Variants in CELF4 observed in about 807,000 individuals in gnomAD.
The protein encoded by CELF4 is CUGBP Elav-like family member 4.
CELF4 carries 18 observed loss-of-function variants against 59.9 expected under a neutral mutation model. The ratio of observed to expected loss-of-function variants is 0.30; its 90% CI spans 0.21 to 0.45. The LOEUF (loss-of-function observed/expected upper bound fraction) is 0.45. Ranked by LOEUF, CELF4 falls within the 20% of genes least tolerant of loss-of-function variation. CELF4 has a pLI of 1.00. For synonymous variants in CELF4, 261 were observed against 267.1 expected (o/e 0.98, Z 0.22); for missense variants, 456 against 689.0 (o/e 0.66, Z 3.79).
Position 37,270,711 on chromosome 18 carries a change from A to G in CELF4, c.1099+57T>C. 4 of 1,599,414 alleles carry G rather than the reference A, an allele frequency of 2.5e-6. No individual in the cohort carries two copies. In the Admixed American group the frequency reaches 6.7e-5, roughly 27 times the overall value. ...TCTTGTTATAACAGCAAGGGCAGGG[A>G]CAGCATGGATAAAGAATGTGCTGCA... is the stretch of plus-strand genomic sequence containing the variant. On this transcript the variant is annotated intron_variant, in intron 8 of 12. Coordinates refer to ENST00000420428, the MANE Select transcript of CELF4 (RefSeq NM_020180.4).
chr18:37,510,986 T>C (rs373310174), intron 1 of CELF4, among the ~76,000 whole-genome samples: 5 of 152,114 alleles, frequency 3.3e-5, no homozygotes, highest in African/African-American at 7.2e-5. Flanking sequence ...AGGGGCACTA[T>C]TTGTCACCCA....
chr18:37,438,111 C>A (rs992663313), intron 2 of CELF4, among the ~76,000 whole-genome samples: 1 of 152,190 alleles, frequency 6.6e-6, no homozygotes, highest in Non-Finnish European at 1.5e-5. Flanking sequence ...GACTTCCCAG[C>A]CCCCAGAACT....
chr18:37,307,471 T>C (rs962254232), intron 3 of CELF4, among the ~76,000 whole-genome samples: 4 of 152,028 alleles, frequency 2.6e-5, no homozygotes, highest in African/African-American at 9.7e-5. Context: ...TCTATAAATC[T>C]TCCCCCCGTC....
At chr18:37,285,877 C>T (rs947222267) in intron 3 of CELF4, among the ~76,000 whole-genome samples, 33 of 152,186 alleles carry the variant, frequency 2.2e-4, no homozygotes, top group African/African-American at 3.1e-4. Context: ...ACACGATAGA[C>T]GGCCCTGGAG....
In CELF4 at chr18:37,263,742, C is replaced by T. The variant is rs569301879; in HGVS notation, c.1249+932G>A. Among the ~76,000 whole-genome samples the T allele has an allele frequency of 1.4e-4, 21 of 152,178 alleles. No individual in the cohort carries two copies. The South Asian group carries it at 4.4e-3, about 32-fold the overall frequency. On this transcript the variant is annotated intron_variant, in intron 10 of 12. Transcript: ENST00000420428. ...CTGTTCACACCAGGGCCTTGGGACA[C>T]AGCTTTCCAGGATCACCCCCTTCTT...
At chr18:37,493,988 G>C (rs2099921984) in intron 1 of CELF4, among the ~76,000 whole-genome samples, 1 of 152,124 alleles carries the variant, frequency 6.6e-6, no homozygotes, top group African/African-American at 2.4e-5. Flanking sequence ...ACAGAGCTGG[G>C]GTGGTCCAGA....
At chr18:37,262,056 G>A (rs2074901476) in intron 10 of CELF4, among the ~76,000 whole-genome samples, 1 of 152,170 alleles carries the variant, frequency 6.6e-6, no homozygotes, top group Non-Finnish European at 1.5e-5. Context: ...GCTCACCTTG[G>A]ACTCTGCAGC....
chr18:37,286,575 G>T (rs1034073855), intron 3 of CELF4, among the ~76,000 whole-genome samples: 2 of 152,152 alleles, frequency 1.3e-5, no homozygotes. Context: ...CCCACAGCCC[G>T]TTTTTAATAT....
chr18:37,448,223 T>A (rs2099753516), intron 2 of CELF4, among the ~76,000 whole-genome samples: 1 of 152,214 alleles, frequency 6.6e-6, no homozygotes, highest in African/African-American at 2.4e-5. Flanking sequence ...CACTGAGGCC[T>A]TGAGGCTTGT....
intron 3 of CELF4, among the ~76,000 whole-genome samples, chr18:37,300,197 G>T (rs2095916302): frequency 7.1e-6 from 1 of 140,296 alleles, no homozygotes; most frequent in African/African-American, 3.2e-5. Context: ...GTGCCTGCTT[G>T]TTGCATGTGA....
At chr18:37,249,687 C>T (rs2064235765) in intron 12 of CELF4, among the ~76,000 whole-genome samples, 1 of 152,164 alleles carries the variant, frequency 6.6e-6, no homozygotes, top group Non-Finnish European at 1.5e-5. Flanking sequence ...CCTTCCCGAC[C>T]ACTCTCGGGG....
At chr18:37,295,379 T>C (rs1293862384) in intron 3 of CELF4, among the ~76,000 whole-genome samples, 4 of 152,230 alleles carry the variant, frequency 2.6e-5, no homozygotes, top group Admixed American at 2.0e-4. Flanking sequence ...GAAAGGATTA[T>C]GGGTGGCAGG....
chr18:37,382,031 C>T (rs61694969), intron 2 of CELF4, among the ~76,000 whole-genome samples: 52,532 of 151,778 alleles, frequency 0.35, 9,564 homozygotes, highest in Non-Finnish European at 0.4. Flanking sequence ...TAAAGGCTCA[C>T]TCTTTATGTT....
Position 37,558,640 on chromosome 18 carries a change from C to T in CELF4, c.286+6716G>A, listed in dbSNP as rs914189404. ...CTTTCTGCAATTCTTGGAGAGGCTG[C>T]GTATCTAAAGGCCTGCAGGAAAAGA... is the stretch of plus-strand genomic sequence containing the variant. On this transcript the variant is annotated intron_variant, in intron 1 of 12. Transcript: ENST00000420428. 2.1e-4 allele frequency among the ~76,000 whole-genome samples: 32 copies of T among 151,688 alleles called. 1 individual carries two copies. The highest frequency in any genetic ancestry group is 7.0e-4 in the African/African-American group (29 of 41,296).
chr18:37,253,879 A>C lies in CELF4; in HGVS notation c.1393T>G (p.Phe465Val). ...TTGAGCCTCTTCATGCCGATCTGGA[A>C]GCCGTTCATGGCCTGGATGGCGGTC... ...AQTAIQAMNG[F>V]QIGMKRLKVQ... The change falls in exon 12 of 13, where the codon TTC (phenylalanine) becomes GTC (valine). Residue 465 changes from phenylalanine to valine, a missense_variant. Coordinates refer to ENST00000420428, the MANE Select transcript of CELF4 (RefSeq NM_020180.4). This position sits in a 1 kb window ranked among gnomAD's most constrained non-coding sequence, Gnocchi z 4.5. 1.9e-6 allele frequency: 3 copies of C among 1,609,166 alleles called. No homozygotes were observed. Among genetic ancestry groups the C allele is most frequent in the Non-Finnish European group, 2.5e-6 (3 of 1,178,024 alleles).
chr18:37,358,822 G>C (rs988461104), intron 2 of CELF4, among the ~76,000 whole-genome samples: 3 of 74 alleles, frequency 0.041, no homozygotes, highest in Non-Finnish European at 0.083. Flanking sequence ...CTGTCAAGAG[G>C]CTGGGCATGG....
At chr18:37,347,307 C>T (rs900155661) in intron 2 of CELF4, among the ~76,000 whole-genome samples, 5 of 152,034 alleles carry the variant, frequency 3.3e-5, no homozygotes, top group Non-Finnish European at 4.4e-5. Flanking sequence ...ACAGTGGCCA[C>T]GAAGGGAAGA....
intron 2 of CELF4, among the ~76,000 whole-genome samples, chr18:37,351,354 C>T (rs546481483): frequency 2.0e-5 from 3 of 152,310 alleles, no homozygotes; most frequent in African/African-American, 7.2e-5. Context: ...GTGGCCTCCT[C>T]TCCAAGAAAC....
At chr18:37,423,732 A>G (rs962734432) in intron 2 of CELF4, among the ~76,000 whole-genome samples, 1 of 151,876 alleles carries the variant, frequency 6.6e-6, no homozygotes, top group African/African-American at 2.4e-5. Flanking sequence ...AAAGGGGAGG[A>G]AGCCTCCCTA....
Sources: allele counts gnomAD v4.1 joint callset (sites outside exome capture counted in the v4.1 genomes callset), GRCh38; gene constraint gnomAD v4.1.1; non-coding constraint Gnocchi (gnomAD v3.1); transcripts MANE v1.5; gene names NCBI Gene and HGNC (gene_info 2026-07-23, HGNC 2026-07-21).